The following RYR2 variants were observed in gnomAD, a reference collection of about 807,000 sequenced individuals.
RYR2 encodes ryanodine receptor 2, also known as cardiac muscle ryanodine receptor-calcium release channel.
A neutral mutation model predicts 601.1 loss-of-function variants in RYR2; 227 were observed. The observed-to-expected ratio is 0.38, with a 90% CI of 0.34 to 0.42. RYR2 has a LOEUF of 0.42. RYR2 is among the 10% of genes least tolerant of loss of function. The pLI is 1.00. For synonymous variants in RYR2, 2,223 were observed against 2,175.1 expected (o/e 1.02, Z -0.61); for missense variants, 4,646 against 6,156.5 (o/e 0.75, Z 8.21).
intron 40 of RYR2, among the ~76,000 whole-genome samples, chr1:237,626,013 A>T (rs560614152): frequency 6.6e-6 from 1 of 152,214 alleles, no homozygotes; most frequent in Non-Finnish European, 1.5e-5. Context: ...TAGCAGCATG[A>T]TAAAGATGGA....
intron 27 of RYR2, among the ~76,000 whole-genome samples, chr1:237,553,592 A>T (rs1670609863): frequency 6.6e-6 from 1 of 151,828 alleles, no homozygotes; most frequent in Non-Finnish European, 1.5e-5. Context: ...TTTGATTTGG[A>T]TGGGATTACA....
chr1:237,186,756 G>A (rs1679383654), intron 1 of RYR2, among the ~76,000 whole-genome samples: 1 of 152,216 alleles, frequency 6.6e-6, no homozygotes, highest in African/African-American at 2.4e-5. Context: ...AAAACAGAGA[G>A]AAAAGCCTTC....
chr1:237,378,657 T>C (rs1701218864), intron 8 of RYR2, among the ~76,000 whole-genome samples: 2 of 152,240 alleles, frequency 1.3e-5, no homozygotes, highest in South Asian at 4.1e-4. Context: ...GTAGTTCATG[T>C]GTTACTGGTT....
At chr1:237,560,237 T>C (rs957031715) in intron 27 of RYR2, among the ~76,000 whole-genome samples, 4 of 152,238 alleles carry the variant, frequency 2.6e-5, no homozygotes, top group Admixed American at 2.6e-4. Flanking sequence ...CAGCTTTTCC[T>C]TTCAAACTTT....
At chr1:237,627,694 G>T (rs1679823775) in intron 40 of RYR2, 113 bp from the exon 41 acceptor site, 1 of 1,110,836 alleles carries the variant, frequency 9.0e-7, no homozygotes, top group East Asian at 2.6e-5. Context: ...GCCTTTTCAA[G>T]CCTGGTACAA....
chr1:237,694,304 A>G (rs1286774404), intron 63 of RYR2, among the ~76,000 whole-genome samples: 5 of 151,848 alleles, frequency 3.3e-5, no homozygotes, highest in Non-Finnish European at 7.4e-5. Flanking sequence ...AAAAAAAAAA[A>G]AAAAAAGAAA....
At chr1:237,669,881 C>T (rs1362337422) in intron 58 of RYR2, among the ~76,000 whole-genome samples, 9 of 151,516 alleles carry the variant, frequency 5.9e-5, no homozygotes, top group South Asian at 2.1e-4. Context: ...ACTTCCCAGA[C>T]GGGGTGGCGG....
At chr1:237,053,518 G>C (rs1442575300) in intron 1 of RYR2, among the ~76,000 whole-genome samples, 1 of 152,168 alleles carries the variant, frequency 6.6e-6, no homozygotes, top group African/African-American at 2.4e-5. Flanking sequence ...ACTTGAGTCA[G>C]TCCTACTCAC....
chr1:237,305,050 C>G (rs1693737038), intron 2 of RYR2, among the ~76,000 whole-genome samples: 2 of 152,174 alleles, frequency 1.3e-5, no homozygotes, highest in Admixed American at 1.3e-4. Context: ...GGAACTTTCA[C>G]TCACTCCTGA....
chr1:237,719,013 C>T (rs1689489233), intron 73 of RYR2, among the ~76,000 whole-genome samples: 1 of 152,028 alleles, frequency 6.6e-6, no homozygotes, highest in Non-Finnish European at 1.5e-5. Context: ...CCTTTAATCC[C>T]AACAGTTTGG....
chr1:237,429,029 C>G (rs899072894), intron 12 of RYR2, among the ~76,000 whole-genome samples: 5 of 140,686 alleles, frequency 3.6e-5, no homozygotes, highest in Non-Finnish European at 7.8e-5. Context: ...TTTGTTCACT[C>G]AGGAATATTG....
At position 237,798,121 on chromosome 1, in the gene RYR2, G is replaced by A. The variant is rs1478475074; in HGVS notation, c.14041G>A (p.Asp4681Asn). 2 of 1,611,928 alleles carry A rather than the reference G, an allele frequency of 1.2e-6. No homozygotes were observed. The highest frequency in any genetic ancestry group is 1.7e-6 in the Non-Finnish European group (2 of 1,178,994). The change falls in exon 97 of 105, where the codon GAT becomes AAT. Residue 4681 changes from aspartate to asparagine, a missense_variant. By Grantham distance (23) the Asp-to-Asn change is conservative (BLOSUM62 1). Transcript: ENST00000366574. ...GGACAAGGCAGCTCTGGACTTCAGT[G>A]ATGCCAGAGAAAAGAAGAAGCCAAA... ...GMDKAALDFS[D>N]AREKKKPKKD...
chr1:237,541,222 A>C (rs1052070917), intron 25 of RYR2, among the ~76,000 whole-genome samples: 3 of 152,142 alleles, frequency 2.0e-5, no homozygotes, highest in Non-Finnish European at 2.9e-5. Flanking sequence ...CGTGTTCTTC[A>C]TTTTCTCTGA....
At chr1:237,500,463 A>C (rs1388494556) in intron 20 of RYR2, among the ~76,000 whole-genome samples, 1 of 152,218 alleles carries the variant, frequency 6.6e-6, no homozygotes, top group Non-Finnish European at 1.5e-5. Flanking sequence ...ATCCGTCTAC[A>C]TGCAGAAGTT....
intron 94 of RYR2, 51 bp downstream of exon 94, chr1:237,792,374 T>TGCGC (rs1426498567): frequency 9.0e-6 from 7 of 776,804 alleles, no homozygotes; most frequent in African/African-American, 3.0e-5. Flanking sequence ...TGTGTGTGTG[T>TGCGC]GTGTGTGCGT....
intron 102 of RYR2, among the ~76,000 whole-genome samples, chr1:237,828,765 T>C (rs1663441864): frequency 6.6e-6 from 1 of 152,176 alleles, no homozygotes; most frequent in African/African-American, 2.4e-5. Context: ...GAGTCCTTTA[T>C]GGGAGTAAAG....
intron 3 of RYR2, chr1:237,333,492 G>C: frequency 2.5e-6 from 1 of 401,330 alleles, no homozygotes; most frequent in Non-Finnish European, 5.0e-6. Flanking sequence ...AACGGGGGGT[G>C]TCCTGGAGGA....
At chr1:237,280,943 C>T (rs894840879) in intron 2 of RYR2, among the ~76,000 whole-genome samples, 2 of 152,052 alleles carry the variant, frequency 1.3e-5, no homozygotes, top group African/African-American at 2.4e-5. Context: ...CACCACCACA[C>T]CTGGCTAATT....
chr1:237,552,489 C>T (rs1670499109), intron 27 of RYR2, among the ~76,000 whole-genome samples: 1 of 152,050 alleles, frequency 6.6e-6, no homozygotes, highest in Non-Finnish European at 1.5e-5. Flanking sequence ...GGAACCACTA[C>T]CGAAAACACC....
Sources: allele counts gnomAD v4.1 joint callset (sites outside exome capture counted in the v4.1 genomes callset), GRCh38; gene constraint gnomAD v4.1.1; transcripts MANE v1.5; gene names NCBI Gene and HGNC (gene_info 2026-07-23, HGNC 2026-07-21).